The following IL26 variants were observed in gnomAD, a reference collection of about 807,000 sequenced individuals.
The protein encoded by IL26 is interleukin-26.
A neutral mutation model predicts 21.7 loss-of-function variants in IL26; 23 were observed. The observed-to-expected ratio is 1.06, with a 90% confidence interval of 0.76 to 1.50. IL26 has a LOEUF of 1.50. IL26 is among the 40% of genes most tolerant of loss of function. The pLI, the probability that IL26 is intolerant of heterozygous loss-of-function variation, is 0.00. For synonymous variants in IL26, 63 were observed against 67.8 expected, an observed-to-expected ratio of 0.93 and a Z score of 0.34; for missense variants, 204 against 196.0, an observed-to-expected ratio of 1.04 and a Z score of -0.24.
intron 3 of IL26, among the ~76,000 whole-genome samples, chr12:68,224,148 A>T (rs1369174961): frequency 2.6e-5 from 4 of 151,730 alleles, no homozygotes; most frequent in Non-Finnish European, 5.9e-5. Context: ...CTCCCAACCC[A>T]ACCTTTGTAC....
chr12:68,222,108 T>C (rs970363829), intron 3 of IL26, among the ~76,000 whole-genome samples: 3 of 152,202 alleles, frequency 2.0e-5, no homozygotes, highest in African/African-American at 7.2e-5. Flanking sequence ...CATTAAAAAT[T>C]GTCAACAGAA....
In IL26 at chr12:68,225,792, C is replaced by T. The variant is rs754557009; in HGVS notation, c.-36G>A. The T allele has an allele frequency of 1.5e-5, 24 of 1,607,034 alleles. No homozygotes were observed. The highest frequency in any genetic ancestry group is 2.7e-5 in the African/African-American group (2 of 74,866). On this transcript the variant is annotated 5_prime_UTR_variant, in exon 1 of 5. Transcript: ENST00000229134. ...CCCACTCAGCGTGTGTCACTCACAG[C>T]AGCCCAAGAGATACTAATGCCGGTT... is the stretch of plus-strand genomic sequence containing the variant.
At chr12:68,209,874 G>C (rs1468463028) in intron 3 of IL26, among the ~76,000 whole-genome samples, 1 of 151,866 alleles carries the variant, frequency 6.6e-6, no homozygotes, top group East Asian at 1.9e-4. Flanking sequence ...ATCCTCTCTC[G>C]ACAAAAAGGA....
intron 3 of IL26, among the ~76,000 whole-genome samples, chr12:68,217,573 G>A (rs1178832137): frequency 6.6e-6 from 1 of 152,050 alleles, no homozygotes; most frequent in African/African-American, 2.4e-5. Flanking sequence ...AATTATCCCA[G>A]CTTATGAGTA....
chr12:68,216,643 A>G (rs551860662), intron 3 of IL26, among the ~76,000 whole-genome samples: 6 of 152,352 alleles, frequency 3.9e-5, no homozygotes, highest in Non-Finnish European at 7.4e-5. Context: ...ACAATTTTAA[A>G]TTACAGGGAT....
intron 3 of IL26, among the ~76,000 whole-genome samples, chr12:68,219,146 A>G (rs553938719): frequency 2.6e-5 from 4 of 152,098 alleles, no homozygotes; most frequent in African/African-American, 4.8e-5. Context: ...AAAGTTAATA[A>G]AGAGAGAGAA....
intron 3 of IL26, among the ~76,000 whole-genome samples, chr12:68,210,379 A>C (rs914435602): frequency 2.6e-5 from 3 of 114,342 alleles, no homozygotes; most frequent in Non-Finnish European, 5.6e-5. Context: ...AAAAAAAAAA[A>C]AAAAACAGCA....
chr12:68,210,559 C>A (rs184256790), intron 3 of IL26, among the ~76,000 whole-genome samples: 3 of 151,796 alleles, frequency 2.0e-5, no homozygotes, highest in Non-Finnish European at 4.4e-5. Flanking sequence ...TGTCTCTCTG[C>A]GAAACCAAAT....
At chr12:68,205,414 GAGAT>G (rs778364980) in intron 3 of IL26, among the ~76,000 whole-genome samples, 65 of 151,708 alleles carry the variant, frequency 4.3e-4, no homozygotes, top group Admixed American at 1.2e-3. Context: ...CATATTTTGT[GAGAT>G]AGATAGATAG....
intron 3 of IL26, among the ~76,000 whole-genome samples, chr12:68,223,657 A>G (rs1296941567): frequency 6.6e-6 from 1 of 152,206 alleles, no homozygotes. Flanking sequence ...TACTTTCTTC[A>G]TAAGGTTGTC....
intron 3 of IL26, among the ~76,000 whole-genome samples, chr12:68,212,238 T>C (rs1160772005): frequency 1.3e-5 from 2 of 152,150 alleles, no homozygotes; most frequent in Admixed American, 1.3e-4. Context: ...TATTGGTCTA[T>C]GTTTTTTGTT....
At chr12:68,217,721 T>C (rs1402782975) in intron 3 of IL26, among the ~76,000 whole-genome samples, 2 of 152,136 alleles carry the variant, frequency 1.3e-5, no homozygotes, top group Non-Finnish European at 2.9e-5. Flanking sequence ...AAGCAAACAA[T>C]GCTACCTATA....
At chr12:68,224,728 G>A (rs78821536) in intron 3 of IL26, among the ~76,000 whole-genome samples, 26,119 of 138,410 alleles carry the variant, frequency 0.19, 5,655 homozygotes, top group African/African-American at 0.53. Context: ...GGGAAGGAAG[G>A]GAGGGAGGGA....
At chr12:68,206,222 G>T in intron 3 of IL26, among the ~76,000 whole-genome samples, 1 of 152,136 alleles carries the variant, frequency 6.6e-6, no homozygotes, top group East Asian at 1.9e-4. Context: ...CTTCAATAGT[G>T]TAATCTAAAC....
intron 3 of IL26, 61 bp downstream of exon 3, chr12:68,225,088 C>A: frequency 6.6e-7 from 1 of 1,511,554 alleles, no homozygotes; most frequent in South Asian, 1.3e-5. Flanking sequence ...CAGATTCTTA[C>A]ATGCTGACTT....
At chr12:68,203,158 T>C (rs1220440425) in intron 3 of IL26, among the ~76,000 whole-genome samples, 8 of 152,166 alleles carry the variant, frequency 5.3e-5, no homozygotes, top group Admixed American at 2.0e-4. Context: ...AGCTGGCTTG[T>C]AGGCTGGCTG....
intron 3 of IL26, among the ~76,000 whole-genome samples, chr12:68,222,684 G>C (rs943466519): frequency 6.6e-6 from 1 of 152,110 alleles, no homozygotes; most frequent in African/African-American, 2.4e-5. Flanking sequence ...AGAACGGAAG[G>C]CCCCCTCTCA....
At position 68,225,162 on chromosome 12, in the gene IL26, T is replaced by TTCTGCCTAAGGCTATGAAAGTCCTCC. The variant is rs1869201919; in HGVS notation, c.324_349dup (p.Lys117ArgfsTer11). 6.2e-7 allele frequency: 1 copy of TTCTGCCTAAGGCTATGAAAGTCCTCC among 1,609,836 alleles called. No homozygotes were observed. The highest frequency in any genetic ancestry group is 8.5e-7 in the Non-Finnish European group (1 of 1,178,836). On this transcript the variant is annotated frameshift_variant, in exon 3 of 5. Transcript: ENST00000229134. LOFTEE classifies it high-confidence loss of function. ...GTGTATACTTACACAGTGGCTCAAT[T>TTCTGCCTAAGGCTATGAAAGTCCTCC]TCTGCCTAAGGCTATGAAAGTCCTC...
chr12:68,208,260 A>G lies in IL26; in HGVS notation c.364-6177T>C, dbSNP rs1484506513. On this transcript the variant is annotated intron_variant, in intron 3 of 4. Coordinates refer to ENST00000229134, the MANE Select transcript of IL26 (RefSeq NM_018402.2). The stretch of plus-strand genomic sequence containing the variant: ...GACTTGTGTCTTGAAAGATGAGTGG[A>G]AAAAGCAGGAAGAAGAGATGAGTAG... 2.6e-5 allele frequency among the ~76,000 whole-genome samples: 4 copies of G among 152,196 alleles called. No individual in the cohort carries two copies. In the East Asian group the frequency reaches 7.7e-4, roughly 29 times the overall value.
Sources: gnomAD v4.1 joint callset for allele counts (sites outside exome capture counted in the v4.1 genomes callset) on GRCh38, gnomAD v4.1.1 for gene constraint, MANE v1.5 for transcripts, NCBI Gene and HGNC (gene_info 2026-07-23, HGNC 2026-07-21) for gene names.